Variants in KCNMB2 observed in about 807,000 individuals in gnomAD.
The protein encoded by KCNMB2 is potassium calcium-activated channel subfamily M regulatory beta subunit 2, also known as calcium-activated potassium channel subunit beta-2.
In KCNMB2, 9 loss-of-function variants were observed where a neutral mutation model predicts 24.5. The ratio of observed to expected loss-of-function variants is 0.37; its 90% CI spans 0.22 to 0.64. KCNMB2 has a LOEUF of 0.64. Ranked by LOEUF, KCNMB2 falls within the 30% of genes least tolerant of loss-of-function variation. The probability of loss-of-function intolerance (pLI) is 0.63; values close to 1 mark genes in which losing one functional copy is unlikely to be tolerated. For synonymous variants in KCNMB2, 109 were observed against 104.4 expected, an observed-to-expected ratio of 1.04 and a Z score of -0.27; for missense variants, 226 against 284.3, an observed-to-expected ratio of 0.79 and a Z score of 1.47.
At chr3:178,764,606 T>C (rs1261412426) in intron 1 of KCNMB2, among the ~76,000 whole-genome samples, 1 of 152,160 alleles carries the variant, frequency 6.6e-6, no homozygotes, top group East Asian at 1.9e-4. Flanking sequence ...TCAGAAAATA[T>C]CCATGTCATT....
chr3:178,823,113 C>T (rs60459176), intron 2 of KCNMB2, among the ~76,000 whole-genome samples: 4 of 152,156 alleles, frequency 2.6e-5, no homozygotes, highest in Admixed American at 6.5e-5. Context: ...TAGCTGCTAA[C>T]GGACACTGAT....
intron 1 of KCNMB2, among the ~76,000 whole-genome samples, chr3:178,554,648 T>A (rs1716065536): frequency 6.6e-6 from 1 of 152,164 alleles, no homozygotes; most frequent in Non-Finnish European, 1.5e-5. Flanking sequence ...GCACTTATGC[T>A]TTTCCTTCCT....
intron 1 of KCNMB2, among the ~76,000 whole-genome samples, chr3:178,666,998 A>G (rs1720741651): frequency 1.3e-5 from 2 of 152,216 alleles, no homozygotes; most frequent in South Asian, 4.1e-4. Context: ...TAGATTACTT[A>G]TAATACTTAA....
chr3:178,546,575 A>G (rs1444201965), intron 1 of KCNMB2, among the ~76,000 whole-genome samples: 3 of 152,270 alleles, frequency 2.0e-5, no homozygotes, highest in Admixed American at 2.0e-4. Flanking sequence ...TACCCTTTAA[A>G]TTATAGCCTG....
Position 178,758,163 on chromosome 3 carries a change from AGGATATATATATATATATCCAAGG to A in KCNMB2, c.-67-49161_-67-49138del, listed in dbSNP as rs1724253872. Among the ~76,000 whole-genome samples, 9 of 31,456 alleles carry A rather than the reference AGGATATATATATATATATCCAAGG, an allele frequency of 2.9e-4. 1 individual carries two copies. Among genetic ancestry groups the A allele is most frequent in the East Asian group, 2.3e-3 (2 of 866 alleles). 20.6% of individuals were successfully genotyped at this position (31,456 alleles called of 152,430 possible). On this transcript the variant is annotated intron_variant, in intron 1 of 4. Coordinates refer to ENST00000452583, the MANE Select transcript of KCNMB2 (RefSeq NM_181361.3). ...GGATATATATATATATATATCCAAG[AGGATATATATATATATATCCAAGG>A]GGATATATATATATATATATCCAAG...
intron 1 of KCNMB2, among the ~76,000 whole-genome samples, chr3:178,610,954 GTTTT>G (rs1057495710): frequency 7.2e-5 from 11 of 152,066 alleles, no homozygotes; most frequent in African/African-American, 2.4e-4. Context: ...ATGTTGAGGT[GTTTT>G]TTTCTGGTTT....
At chr3:178,568,586 A>G (rs1716612916) in intron 1 of KCNMB2, among the ~76,000 whole-genome samples, 1 of 152,150 alleles carries the variant, frequency 6.6e-6, no homozygotes. Flanking sequence ...CTTAATAGTC[A>G]CAGTACTTCA....
intron 1 of KCNMB2, among the ~76,000 whole-genome samples, chr3:178,554,856 T>G (rs1340628956): frequency 6.6e-6 from 1 of 152,206 alleles, no homozygotes; most frequent in Non-Finnish European, 1.5e-5. Context: ...AGCATATGGG[T>G]CTTTTGTAAG....
chr3:178,560,054 C>A, intron 1 of KCNMB2, among the ~76,000 whole-genome samples: 1 of 146,946 alleles, frequency 6.8e-6, no homozygotes, highest in Admixed American at 6.8e-5. Context: ...TTTTATTAAA[C>A]AGGGAAAATG....
intron 1 of KCNMB2, among the ~76,000 whole-genome samples, chr3:178,787,393 A>G (rs1429555991): frequency 6.6e-6 from 1 of 152,202 alleles, no homozygotes; most frequent in African/African-American, 2.4e-5. Context: ...ACGCACATAT[A>G]TGGTATAAAA....
intron 1 of KCNMB2, among the ~76,000 whole-genome samples, chr3:178,770,937 G>A (rs1455953626): frequency 1.3e-5 from 2 of 152,054 alleles, no homozygotes; most frequent in Non-Finnish European, 2.9e-5. Flanking sequence ...ATTAATTTGG[G>A]GGTAAATGAA....
chr3:178,613,410 C>T (rs1718566315), intron 1 of KCNMB2, among the ~76,000 whole-genome samples: 1 of 152,210 alleles, frequency 6.6e-6, no homozygotes, highest in South Asian at 2.1e-4. Flanking sequence ...TTTCTCTGCA[C>T]TTACTATTAC....
intron 1 of KCNMB2, among the ~76,000 whole-genome samples, chr3:178,665,689 G>A (rs1291723077): frequency 6.6e-6 from 1 of 152,122 alleles, no homozygotes; most frequent in Admixed American, 6.6e-5. Flanking sequence ...CTTAATATCA[G>A]GAACTGCTCT....
intron 1 of KCNMB2, among the ~76,000 whole-genome samples, chr3:178,579,216 T>C (rs1003824916): frequency 1.3e-5 from 2 of 152,144 alleles, no homozygotes; most frequent in African/African-American, 4.8e-5. Flanking sequence ...ATTAAGAAAC[T>C]CACTCAAAAC....
chr3:178,607,804 T>G (rs79730727), intron 1 of KCNMB2, among the ~76,000 whole-genome samples: 165 of 152,330 alleles, frequency 1.1e-3, no homozygotes, highest in African/African-American at 3.8e-3. Context: ...TGCTCTGTTA[T>G]CTTGTTAATA....
Position 178,781,580 on chromosome 3 carries a change from T to C in KCNMB2, c.-67-25763T>C, listed in dbSNP as rs73051686. 2.9e-3 allele frequency among the ~76,000 whole-genome samples: 435 copies of C among 151,778 alleles called. 4 individuals are homozygous for C. Among genetic ancestry groups the C allele is most frequent in the African/African-American group, 9.9e-3 (409 of 41,432 alleles). On this transcript the variant is annotated intron_variant, in intron 1 of 4. Coordinates refer to ENST00000452583, the MANE Select transcript of KCNMB2 (RefSeq NM_181361.3). Reference sequence around the variant, plus strand: ...GCACTCCAGCCTTGGAGCAAGACTCTGTCTAAAAATTTAAAAAATAATAAT... The same window carrying C: ...GCACTCCAGCCTTGGAGCAAGACTCCGTCTAAAAATTTAAAAAATAATAAT...
At chr3:178,541,237 G>T (rs1226113011) in intron 1 of KCNMB2, among the ~76,000 whole-genome samples, 1 of 152,146 alleles carries the variant, frequency 6.6e-6, no homozygotes, top group Non-Finnish European at 1.5e-5. Flanking sequence ...AATTCAATTT[G>T]TCTGAATTTG....
chr3:178,564,398 T>C (rs1305933723), intron 1 of KCNMB2, among the ~76,000 whole-genome samples: 1 of 152,164 alleles, frequency 6.6e-6, no homozygotes, highest in African/African-American at 2.4e-5. Context: ...ATTCAGTGCT[T>C]ATGTAGGTCT....
At chr3:178,616,241 C>G (rs923950380) in intron 1 of KCNMB2, among the ~76,000 whole-genome samples, 4 of 152,190 alleles carry the variant, frequency 2.6e-5, no homozygotes, top group African/African-American at 9.6e-5. Context: ...CATTAGGACT[C>G]ACGTAAGAGT....
Sources: allele counts gnomAD v4.1 joint callset (sites outside exome capture counted in the v4.1 genomes callset), GRCh38; gene constraint gnomAD v4.1.1; transcripts MANE v1.5; gene names NCBI Gene and HGNC (gene_info 2026-07-23, HGNC 2026-07-21).